PHLDB2: variants seen among roughly 807,000 people sequenced by gnomAD.
PHLDB2 encodes pleckstrin homology like domain family B member 2, also known as pleckstrin homology-like domain family B member 2.
In PHLDB2, 71 loss-of-function variants were observed where a neutral mutation model predicts 123.6. The ratio of observed to expected loss-of-function variants is 0.57; its 90% CI spans 0.47 to 0.70. The LOEUF is 0.70. Ranked by LOEUF, PHLDB2 falls within the 30% of genes least tolerant of loss-of-function variation. PHLDB2 has a pLI of 0.00. For synonymous variants in PHLDB2, 547 were observed against 541.6 expected (o/e 1.01, Z -0.14); for missense variants, 1,446 against 1,519.5 (o/e 0.95, Z 0.80).
At chr3:111,763,635 C>A (rs2060031369) in intron 1 of PHLDB2, among the ~76,000 whole-genome samples, 1 of 151,950 alleles carries the variant, frequency 6.6e-6, no homozygotes. Flanking sequence ...TGTTTGTATC[C>A]CCAGAAATTC....
chr3:111,892,454 T>C (rs2066562622), intron 2 of PHLDB2, among the ~76,000 whole-genome samples: 1 of 152,136 alleles, frequency 6.6e-6, no homozygotes, highest in African/African-American at 2.4e-5. Flanking sequence ...TTAAAAAGAG[T>C]AATTGAATGT....
chr3:111,896,643 G>A (rs573932396), intron 2 of PHLDB2, among the ~76,000 whole-genome samples: 6 of 152,006 alleles, frequency 3.9e-5, no homozygotes, highest in South Asian at 2.1e-4. Flanking sequence ...GAGCCACCGC[G>A]TCCAGGCTGC....
chr3:111,949,890 G>A (rs2070594408), intron 10 of PHLDB2: 1 of 985,424 alleles, frequency 1.0e-6, no homozygotes, highest in Non-Finnish European at 1.2e-6. Flanking sequence ...AGGAGCAACA[G>A]GTAATTAGGA....
intron 5 of PHLDB2, among the ~76,000 whole-genome samples, chr3:111,925,238 A>G (rs1173301452): frequency 6.6e-6 from 1 of 152,232 alleles, no homozygotes; most frequent in Non-Finnish European, 1.5e-5. Context: ...TTTATTTTGC[A>G]CATTCGTTAC....
chr3:111,951,781 T>TC (rs2070733153), intron 10 of PHLDB2, among the ~76,000 whole-genome samples: 1 of 152,090 alleles, frequency 6.6e-6, no homozygotes, highest in Admixed American at 6.5e-5. Flanking sequence ...TTTCATAGTT[T>TC]TGGGGGGAAC....
chr3:111,818,156 T>C (rs1041610029), intron 1 of PHLDB2, among the ~76,000 whole-genome samples: 1 of 128,496 alleles, frequency 7.8e-6, no homozygotes, highest in Admixed American at 8.4e-5. Flanking sequence ...AGAAATTTTT[T>C]AAAAAACTGG....
intron 2 of PHLDB2, among the ~76,000 whole-genome samples, chr3:111,898,182 T>TTTGTGTGTGTG (rs2066985133): frequency 1.4e-3 from 206 of 142,656 alleles, no homozygotes; most frequent in African/African-American, 5.3e-3. Context: ...GTGTGTGTGT[T>TTTGTGTGTGTG]TGTGTGTGTG....
chr3:111,761,850 C>T (rs1281800107), intron 1 of PHLDB2, among the ~76,000 whole-genome samples: 1 of 152,078 alleles, frequency 6.6e-6, no homozygotes, highest in Admixed American at 6.5e-5. Context: ...ACCTGGAAAA[C>T]CAGCCCAACA....
chr3:111,871,612 C>T (rs1450576673), intron 1 of PHLDB2, among the ~76,000 whole-genome samples: 1 of 152,158 alleles, frequency 6.6e-6, no homozygotes, highest in African/African-American at 2.4e-5. Flanking sequence ...CAAGATTGTG[C>T]CACTGCACTC....
intron 2 of PHLDB2, among the ~76,000 whole-genome samples, chr3:111,909,911 T>C (rs2067785441): frequency 1.3e-5 from 2 of 152,254 alleles, no homozygotes; most frequent in South Asian, 4.1e-4. Flanking sequence ...TGTGCTTAAG[T>C]GTCAGCAGTT....
intron 1 of PHLDB2, among the ~76,000 whole-genome samples, chr3:111,754,081 C>A (rs1315738097): frequency 6.6e-6 from 1 of 151,880 alleles, no homozygotes; most frequent in Admixed American, 6.6e-5. Flanking sequence ...AGTCAGGTAG[C>A]GTGATGCCTC....
rs753348192 is a variant in PHLDB2 at position 111,975,327 on chromosome 3, A to G, written c.*764A>G. 3.9e-5 allele frequency: 6 copies of G among 152,206 alleles called. No homozygotes were observed. The highest frequency in any genetic ancestry group is 7.3e-5 in the Non-Finnish European group (5 of 68,032). 9.4% of individuals were successfully genotyped at this position (152,206 alleles called of 1,614,324 possible). On this transcript the variant is annotated 3_prime_UTR_variant, in exon 18 of 18. Transcript: ENST00000431670. ...GTGTTTTAGAAAAAAAAGCCAGGTTACGCAACAGGCATTCTGTCATGTTGA... is the reference window on the plus strand; with the variant it reads ...GTGTTTTAGAAAAAAAAGCCAGGTTGCGCAACAGGCATTCTGTCATGTTGA...
At chr3:111,973,414 G>A (rs934983220) in intron 16 of PHLDB2, among the ~76,000 whole-genome samples, 4 of 152,118 alleles carry the variant, frequency 2.6e-5, no homozygotes, top group Non-Finnish European at 5.9e-5. Context: ...CATTTGTATT[G>A]GTGCTGTTAG....
At chr3:111,761,890 A>G (rs6802995) in intron 1 of PHLDB2, among the ~76,000 whole-genome samples, 75,920 of 151,936 alleles carry the variant, frequency 0.5, 19,566 homozygotes, top group African/African-American at 0.62. Flanking sequence ...AAAGCATACA[A>G]ATTTATTTAA....
At chr3:111,820,906 A>G (rs1302970903) in intron 1 of PHLDB2, among the ~76,000 whole-genome samples, 1 of 152,254 alleles carries the variant, frequency 6.6e-6, no homozygotes, top group African/African-American at 2.4e-5. Context: ...GAATTAAAAT[A>G]GCAGCATATC....
At chr3:111,923,697 A>G (rs184447022) in intron 5 of PHLDB2, among the ~76,000 whole-genome samples, 4 of 152,172 alleles carry the variant, frequency 2.6e-5, no homozygotes, top group East Asian at 1.9e-4. Context: ...CTATTCACCT[A>G]TATGTTCAAC....
rs1346254604 is a variant in PHLDB2, at chr3:111,884,109, T to C, written c.32T>C (p.Leu11Pro). 6.2e-7 allele frequency: 1 copy of C among 1,614,062 alleles called. No homozygotes were observed. The highest frequency in any genetic ancestry group is 1.1e-5 in the South Asian group (1 of 91,052). The change falls in exon 2 of 18, where the codon CTA becomes CCA. Residue 11 changes from leucine (L) to proline (P), a missense_variant. Coordinates refer to ENST00000431670, the MANE Select transcript of PHLDB2 (RefSeq NM_001134438.2). The part of the protein sequence containing the change: MEEHSYIQKE[L>P]DLQNGSLEED... ...GAGCATAGCTACATACAAAAGGAGC[T>C]AGATTTACAAAATGGTAGCTTAGAG...
chr3:111,786,608 A>T (rs1438425421), intron 1 of PHLDB2, among the ~76,000 whole-genome samples: 1 of 152,198 alleles, frequency 6.6e-6, no homozygotes, highest in Non-Finnish European at 1.5e-5. Context: ...AAAAAGGCTT[A>T]AAGTGGGAGG....
intron 1 of PHLDB2, among the ~76,000 whole-genome samples, chr3:111,876,458 A>G (rs909439583): frequency 6.6e-5 from 10 of 152,220 alleles, no homozygotes; most frequent in Admixed American, 2.6e-4. Context: ...ATTAACACAT[A>G]TTTTAATACA....
Sources: gnomAD v4.1 joint callset for allele counts (sites outside exome capture counted in the v4.1 genomes callset) on GRCh38, gnomAD v4.1.1 for gene constraint, MANE v1.5 for transcripts, NCBI Gene and HGNC (gene_info 2026-07-23, HGNC 2026-07-21) for gene names.